The following C12orf42 variants were observed in gnomAD, a reference collection of about 807,000 sequenced individuals.
The protein encoded by C12orf42 is chromosome 12 open reading frame 42.
A neutral mutation model predicts 21.6 loss-of-function variants in C12orf42; 25 were observed. The ratio of observed to expected loss-of-function variants is 1.16; its 90% CI spans 0.84 to 1.62. The LOEUF is 1.62. Ranked by LOEUF, C12orf42 falls within the 40% of genes most tolerant of loss-of-function variation. The pLI is 0.00. For synonymous variants in C12orf42, 174 were observed against 175.0 expected, an observed-to-expected ratio of 0.99 and a Z score of 0.05; for missense variants, 483 against 459.3, an observed-to-expected ratio of 1.05 and a Z score of -0.47.
At chr12:103,436,862 C>A (rs1268571886) in intron 2 of C12orf42, among the ~76,000 whole-genome samples, 2 of 149,492 alleles carry the variant, frequency 1.3e-5, no homozygotes, top group Non-Finnish European at 3.0e-5. Flanking sequence ...AGAAAGTCAA[C>A]AAGGATACCC....
intron 4 of C12orf42, among the ~76,000 whole-genome samples, chr12:103,331,173 T>TTA (rs573275441): frequency 9.5e-4 from 144 of 152,322 alleles, no homozygotes; most frequent in Middle Eastern, 6.8e-3. Flanking sequence ...CTAGACTACC[T>TTA]TAAATGTGCT....
At chr12:103,478,147 T>TG in intron 2 of C12orf42, 2 of 490,306 alleles carry the variant, frequency 4.1e-6, no homozygotes, top group Non-Finnish European at 7.1e-6. Context: ...TCCCTAATAG[T>TG]GGGAAAAAAA....
chr12:103,528,652 A>G, the C12orf42 span, among the ~76,000 whole-genome samples: 3 of 152,324 alleles, frequency 2.0e-5, no homozygotes, highest in Admixed American at 1.3e-4. Context: ...GCCTTCTGCC[A>G]TGAATAGAAG....
At chr12:103,062,518 T>A in the C12orf42 span, among the ~76,000 whole-genome samples, 4 of 152,156 alleles carry the variant, frequency 2.6e-5, no homozygotes, top group Non-Finnish European at 5.9e-5. Flanking sequence ...GTCTTAGTAA[T>A]GTTATTTTAA....
At chr12:103,059,084 A>C in the C12orf42 span, among the ~76,000 whole-genome samples, 2 of 152,186 alleles carry the variant, frequency 1.3e-5, no homozygotes, top group Non-Finnish European at 2.9e-5. Context: ...CACTAACTAG[A>C]CTAATAAAGA....
chr12:103,186,832 A>G, the C12orf42 span, among the ~76,000 whole-genome samples: 1 of 152,192 alleles, frequency 6.6e-6, no homozygotes, highest in African/African-American at 2.4e-5. Context: ...GATGCATCCT[A>G]TTTTTCCCCT....
chr12:103,401,164 G>A (rs2047955605), intron 3 of C12orf42, among the ~76,000 whole-genome samples: 2 of 152,058 alleles, frequency 1.3e-5, no homozygotes, highest in African/African-American at 4.8e-5. Context: ...AAGAGCGTTA[G>A]CAACCAATTA....
intron 2 of C12orf42, among the ~76,000 whole-genome samples, chr12:103,458,855 C>T (rs1850712796): frequency 6.6e-6 from 1 of 151,942 alleles, no homozygotes; most frequent in South Asian, 2.1e-4. Context: ...GAGAATTTGT[C>T]CCATTTTACA....
intron 4 of C12orf42, among the ~76,000 whole-genome samples, chr12:103,325,546 C>T (rs1169297685): frequency 6.6e-6 from 1 of 152,202 alleles, no homozygotes; most frequent in Non-Finnish European, 1.5e-5. Flanking sequence ...TGAGTCTTGC[C>T]ATACTAAGGT....
chr12:103,371,686 C>T (rs1221182527), intron 3 of C12orf42, among the ~76,000 whole-genome samples: 1 of 151,968 alleles, frequency 6.6e-6, no homozygotes. Flanking sequence ...GAGCCACTGC[C>T]CATCTGGACA....
the C12orf42 span, among the ~76,000 whole-genome samples, chr12:103,143,783 A>T: frequency 6.6e-6 from 1 of 152,244 alleles, no homozygotes; most frequent in South Asian, 2.1e-4. Flanking sequence ...AATCTGTGAA[A>T]CACAAACAAA....
At chr12:103,529,407 A>C in the C12orf42 span, among the ~76,000 whole-genome samples, 1 of 152,232 alleles carries the variant, frequency 6.6e-6, no homozygotes, top group East Asian at 1.9e-4. Flanking sequence ...GCAGCTCTGC[A>C]TTAGAGCTTC....
At chr12:103,401,966 G>A (rs143500436) in intron 2 of C12orf42, among the ~76,000 whole-genome samples, 15 of 152,276 alleles carry the variant, frequency 9.9e-5, no homozygotes, top group African/African-American at 3.6e-4. Flanking sequence ...TGATGAAAGA[G>A]AGAGATGAAG....
At chr12:103,242,021 G>C (rs560640319) in intron 10 of C12orf42, among the ~76,000 whole-genome samples, 4 of 152,240 alleles carry the variant, frequency 2.6e-5, no homozygotes, top group African/African-American at 9.6e-5. Context: ...TTCTTCCAAG[G>C]ACAAGGTAAA....
At chr12:103,420,105 T>C (rs1182898890) in intron 2 of C12orf42, among the ~76,000 whole-genome samples, 1 of 152,256 alleles carries the variant, frequency 6.6e-6, no homozygotes, top group East Asian at 1.9e-4. Context: ...AAAGTTGTAT[T>C]GTCCTTCATA....
the C12orf42 span, among the ~76,000 whole-genome samples, chr12:103,181,268 A>T: frequency 7.1e-6 from 1 of 141,508 alleles, no homozygotes; most frequent in African/African-American, 2.6e-5. Flanking sequence ...CTAAAAAAAT[A>T]AATAAATAAG....
At chr12:103,305,533 T>C (rs2038201577) in intron 5 of C12orf42, among the ~76,000 whole-genome samples, 1 of 152,184 alleles carries the variant, frequency 6.6e-6, no homozygotes, top group Non-Finnish European at 1.5e-5. Context: ...TTCTGGGCCA[T>C]GTCCTTACTT....
chr12:103,198,052 T>A, the C12orf42 span, among the ~76,000 whole-genome samples: 1 of 152,290 alleles, frequency 6.6e-6, no homozygotes, highest in East Asian at 1.9e-4. Flanking sequence ...ATGTGTGTGC[T>A]GCCAGCAGTA....
intron 1 of C12orf42, among the ~76,000 whole-genome samples, chr12:103,492,851 C>T (rs1214814452): frequency 6.6e-6 from 1 of 152,174 alleles, no homozygotes; most frequent in Non-Finnish European, 1.5e-5. Context: ...GATTCTCTTC[C>T]CCATCTCTGC....
Sources: allele counts gnomAD v4.1 joint callset (sites outside exome capture counted in the v4.1 genomes callset), GRCh38; gene constraint gnomAD v4.1.1; transcripts MANE v1.5; gene names NCBI Gene and HGNC (gene_info 2026-07-23, HGNC 2026-07-21).